GPC5: variants seen among roughly 807,000 people sequenced by gnomAD.
GPC5 encodes the protein glypican-5.
In GPC5, 47 loss-of-function variants were observed where a neutral mutation model predicts 53.9. The ratio of observed to expected loss-of-function variants is 0.87; its 90% confidence interval spans 0.69 to 1.11. The LOEUF (loss-of-function observed/expected upper bound fraction) is 1.11, where lower values mean the gene tolerates loss of function less well. GPC5 is among the 50% of genes most tolerant of loss of function. GPC5 has a pLI of 0.00. For synonymous variants in GPC5, 286 were observed against 263.3 expected (o/e 1.09, Z -0.84); for missense variants, 748 against 713.1 (o/e 1.05, Z -0.56).
At chr13:92,461,984 T>A (rs1373982367) in intron 7 of GPC5, among the ~76,000 whole-genome samples, 1 of 152,160 alleles carries the variant, frequency 6.6e-6, no homozygotes, top group Non-Finnish European at 1.5e-5. Flanking sequence ...AGGCTCAGGA[T>A]AGCTGATGGG....
intron 6 of GPC5, among the ~76,000 whole-genome samples, chr13:92,031,541 A>G (rs184221551): frequency 3.5e-4 from 53 of 150,304 alleles, no homozygotes; most frequent in African/African-American, 1.2e-3. Flanking sequence ...CCACACCAAC[A>G]TCTATTCTTT....
At chr13:92,862,293 T>G (rs1879205738) in intron 7 of GPC5, among the ~76,000 whole-genome samples, 1 of 152,186 alleles carries the variant, frequency 6.6e-6, no homozygotes, top group Admixed American at 6.5e-5. Context: ...GAGTCATTAT[T>G]CAATTTATTC....
chr13:91,924,268 G>A (rs1306876511), intron 6 of GPC5, among the ~76,000 whole-genome samples: 1 of 152,090 alleles, frequency 6.6e-6, no homozygotes, highest in East Asian at 1.9e-4. Flanking sequence ...TATTATTAAT[G>A]AGAATTGAGT....
At chr13:91,420,428 C>T (rs990303097) in intron 1 of GPC5, among the ~76,000 whole-genome samples, 3 of 152,062 alleles carry the variant, frequency 2.0e-5, no homozygotes, top group Non-Finnish European at 2.9e-5. Context: ...AAGGAGTCTC[C>T]GTTTTGGGGA....
intron 2 of GPC5, among the ~76,000 whole-genome samples, chr13:91,544,615 T>A (rs571522074): frequency 6.6e-6 from 1 of 152,366 alleles, no homozygotes; most frequent in East Asian, 1.9e-4. Context: ...CTTTTTTACT[T>A]CAGCTATTGT....
At chr13:91,714,218 A>T (rs2036286625) in intron 3 of GPC5, among the ~76,000 whole-genome samples, 1 of 152,172 alleles carries the variant, frequency 6.6e-6, no homozygotes, top group Non-Finnish European at 1.5e-5. Flanking sequence ...CAACAGTCAA[A>T]TTCTTGGGAC....
At chr13:92,419,720 A>T (rs1013365574) in intron 7 of GPC5, among the ~76,000 whole-genome samples, 9 of 152,168 alleles carry the variant, frequency 5.9e-5, no homozygotes, top group Non-Finnish European at 8.8e-5. Flanking sequence ...AACATTTATA[A>T]ACCCTTCTTT....
intron 5 of GPC5, among the ~76,000 whole-genome samples, chr13:91,863,972 T>C (rs1304167165): frequency 1.3e-5 from 2 of 152,232 alleles, no homozygotes; most frequent in Non-Finnish European, 1.5e-5. Context: ...AAAGAAGTTA[T>C]TGAGTATTAT....
chr13:91,528,571 A>G (rs1281384443), intron 2 of GPC5, among the ~76,000 whole-genome samples: 8 of 152,142 alleles, frequency 5.3e-5, no homozygotes, highest in African/African-American at 1.4e-4. Context: ...TGAGCCCTCA[A>G]ACTGTTCCAA....
intron 5 of GPC5, among the ~76,000 whole-genome samples, chr13:91,899,290 A>C (rs1057176271): frequency 1.3e-5 from 2 of 152,128 alleles, no homozygotes; most frequent in Non-Finnish European, 2.9e-5. Flanking sequence ...AATATAGGAA[A>C]TACTAGATAT....
chr13:91,427,679 GA>G (rs1879151965), intron 1 of GPC5, among the ~76,000 whole-genome samples: 1 of 152,116 alleles, frequency 6.6e-6, no homozygotes, highest in Non-Finnish European at 1.5e-5. Context: ...GGACTGTTGG[GA>G]GGCATGTTTG....
chr13:91,507,759 T>C (rs1302489581), intron 2 of GPC5, among the ~76,000 whole-genome samples: 2 of 152,196 alleles, frequency 1.3e-5, no homozygotes, highest in African/African-American at 2.4e-5. Context: ...CATATGAATT[T>C]TGGGGAGATA....
chr13:92,452,492 G>T lies in GPC5; in HGVS notation c.1561+307503G>T, dbSNP rs73632211. Among the ~76,000 whole-genome samples the T allele has an allele frequency of 3.3e-3, 498 of 152,126 alleles. 1 individual carries two copies. The highest frequency in any genetic ancestry group is 0.011 in the African/African-American group (474 of 41,496). On this transcript the variant is annotated intron_variant, in intron 7 of 7. Coordinates refer to ENST00000377067, the MANE Select transcript of GPC5 (RefSeq NM_004466.6). The stretch of plus-strand genomic sequence containing the variant: ...GCTATCCTTCGAGACCATCATATGT[G>T]CCCAACTTTGCTCTTTGCACTAATT...
At chr13:91,755,388 C>T (rs1383820876) in intron 4 of GPC5, among the ~76,000 whole-genome samples, 1 of 152,086 alleles carries the variant, frequency 6.6e-6, no homozygotes, top group African/African-American at 2.4e-5. Flanking sequence ...TCTGCCCCTT[C>T]CTTCTGGTCT....
intron 7 of GPC5, among the ~76,000 whole-genome samples, chr13:92,434,422 C>T (rs941013787): frequency 6.6e-6 from 1 of 152,004 alleles, no homozygotes; most frequent in African/African-American, 2.4e-5. Flanking sequence ...AGGTTTTTAT[C>T]AGTCAGTTAT....
At chr13:92,359,737 G>A (rs2043550770) in intron 7 of GPC5, among the ~76,000 whole-genome samples, 1 of 151,480 alleles carries the variant, frequency 6.6e-6, no homozygotes, top group Non-Finnish European at 1.5e-5. Flanking sequence ...GGGCAGAGGT[G>A]CCACAACACT....
chr13:91,561,290 T>A (rs2138909918), intron 2 of GPC5, among the ~76,000 whole-genome samples: 1 of 152,228 alleles, frequency 6.6e-6, no homozygotes, highest in South Asian at 2.1e-4. Flanking sequence ...AGGGCCATTA[T>A]GGTAGGAAGG....
chr13:92,031,828 A>AATATATAATATATTACATATT (rs1566403382), intron 6 of GPC5, among the ~76,000 whole-genome samples: 13 of 106,338 alleles, frequency 1.2e-4, no homozygotes, highest in African/African-American at 5.3e-4. Context: ...TATTATATAT[A>AATATATAATATATTACATATT]ATATATAATA....
chr13:92,467,323 AG>A (rs1878736520), intron 7 of GPC5, among the ~76,000 whole-genome samples: 1 of 152,178 alleles, frequency 6.6e-6, no homozygotes, highest in African/African-American at 2.4e-5. Context: ...AAGTAAGCAC[AG>A]GATGACTTCT....
Sources: gnomAD v4.1 joint callset for allele counts (sites outside exome capture counted in the v4.1 genomes callset) on GRCh38, gnomAD v4.1.1 for gene constraint, MANE v1.5 for transcripts, NCBI Gene and HGNC (gene_info 2026-07-23, HGNC 2026-07-21) for gene names.